GDF3: variants seen among roughly 807,000 people sequenced by gnomAD.
The protein encoded by GDF3 is growth differentiation factor 3.
A neutral mutation model predicts 10.2 loss-of-function variants in GDF3; 10 were observed. That is an observed-to-expected ratio of 0.98 (90% CI 0.60 to 1.66). The LOEUF (loss-of-function observed/expected upper bound fraction) is 1.66. Among genes scored for constraint, GDF3 ranks in the 40% most tolerant of loss-of-function variants. GDF3 has a pLI of 0.00. For missense variants in GDF3, 450 were observed against 438.3 expected, an observed-to-expected ratio of 1.03 and a Z score of -0.24; for synonymous variants, 166 against 178.5, an observed-to-expected ratio of 0.93 and a Z score of 0.56.
chr12:7,691,612 C>A (rs1403334018), intron 1 of GDF3, among the ~76,000 whole-genome samples: 1 of 151,458 alleles, frequency 6.6e-6, no homozygotes, highest in Non-Finnish European at 1.5e-5. Context: ...TAACACTATG[C>A]CGAAATTTAT....
chr12:7,692,315 A>G (rs890496075), intron 1 of GDF3, among the ~76,000 whole-genome samples: 1 of 151,884 alleles, frequency 6.6e-6, no homozygotes, highest in Non-Finnish European at 1.5e-5. Flanking sequence ...CTGTAATCCC[A>G]GCTACTCGGG....
At chr12:7,690,734 A>C in intron 1 of GDF3, 30 bp from the exon 2 acceptor site, 1 of 1,239,672 alleles carries the variant, frequency 8.1e-7, no homozygotes, top group Non-Finnish European at 1.2e-6. Context: ...TGTCAGAGTC[A>C]TAATGATGTA....
rs1864114416 is a variant in GDF3, at chr12:7,690,393, G to C, written c.580C>G (p.Pro194Ala). 6.2e-7 allele frequency: 1 copy of C among 1,613,914 alleles called. No homozygotes were observed. Among genetic ancestry groups the C allele is most frequent in the Non-Finnish European group, 8.5e-7 (1 of 1,179,978 alleles). The change falls in exon 2 of 2, where the codon CCC becomes GCC. Residue 194 changes from proline (P) to alanine (A), a missense_variant. Pro to Ala is a conservative substitution (Grantham distance 27, BLOSUM62 -1). Coordinates refer to ENST00000329913, the MANE Select transcript of GDF3 (RefSeq NM_020634.3). ...LDVAKDWNDNPRKNFGLFLEI... is the reference protein window; with the variant it reads ...LDVAKDWNDNARKNFGLFLEI... ...AGGAATAACCCGAAATTTTTCCGGG[G>C]GTTGTCATTCCAATCCTTAGCTACA...
At chr12:7,694,877 G>T (rs902640785) in intron 1 of GDF3, among the ~76,000 whole-genome samples, 6 of 152,086 alleles carry the variant, frequency 3.9e-5, no homozygotes, top group Non-Finnish European at 7.4e-5. Context: ...TTTGGTGGGT[G>T]GTCAGTTTGG....
intron 1 of GDF3, among the ~76,000 whole-genome samples, chr12:7,691,803 C>T (rs757987305): frequency 3.0e-5 from 4 of 134,998 alleles, no homozygotes; most frequent in South Asian, 4.9e-4. Flanking sequence ...ATGAGGAGAT[C>T]GAGACCATCC....
At chr12:7,691,781 G>A (rs1370207698) in intron 1 of GDF3, among the ~76,000 whole-genome samples, 1 of 140,572 alleles carries the variant, frequency 7.1e-6, no homozygotes, top group Non-Finnish European at 1.6e-5. Context: ...GCCGAGGCGG[G>A]CGGATCACGA....
In GDF3 at chr12:7,695,551, C is replaced by T; in HGVS notation, c.178G>A (p.Ala60Thr). ...CGGGAGACCCCAGTGGTCGCTGCTGCCTCGCGATCCTGGAAAATTTTCTTC... is the reference window on the plus strand; with the variant it reads ...CGGGAGACCCCAGTGGTCGCTGCTGTCTCGCGATCCTGGAAAATTTTCTTC... The part of the protein sequence containing the change: ...ILKKIFQDRE[A>T]AATTGVSRDL... The change falls in exon 1 of 2, where the codon GCA becomes ACA. Residue 60 changes from alanine to threonine, a missense_variant. Coordinates refer to ENST00000329913, the MANE Select transcript of GDF3 (RefSeq NM_020634.3). 1 of 1,614,122 alleles carries T rather than the reference C, an allele frequency of 6.2e-7. No individual in the cohort carries two copies. The highest frequency in any genetic ancestry group is 8.5e-7 in the Non-Finnish European group (1 of 1,179,980).
intron 1 of GDF3, among the ~76,000 whole-genome samples, chr12:7,692,426 G>A (rs985919722): frequency 2.8e-5 from 4 of 144,294 alleles, no homozygotes; most frequent in African/African-American, 1.0e-4. Context: ...GCAAAACTCC[G>A]TCTCAGTTAA....
chr12:7,694,016 A>C (rs1316728431), intron 1 of GDF3, among the ~76,000 whole-genome samples: 1 of 152,158 alleles, frequency 6.6e-6, no homozygotes, highest in Admixed American at 6.6e-5. Flanking sequence ...GTACTTGACC[A>C]GGCAAATTCT....
At chr12:7,690,834 G>A in intron 1 of GDF3, 130 bp from the exon 2 acceptor site, 1 of 660,448 alleles carries the variant, frequency 1.5e-6, no homozygotes, top group Non-Finnish European at 2.7e-6. Context: ...TGTCATTTGG[G>A]AGGGTTTGTT....
intron 1 of GDF3, among the ~76,000 whole-genome samples, chr12:7,693,551 T>C (rs1417041536): frequency 6.6e-6 from 1 of 151,174 alleles, no homozygotes; most frequent in Non-Finnish European, 1.5e-5. Context: ...TAAGTAGGTA[T>C]TTTCTGAGGT....
rs1176582388 is a variant in GDF3 at position 7,690,114 on chromosome 12, C to T, written c.859G>A (p.Gly287Arg). The T allele has an allele frequency of 1.2e-6, 2 of 1,613,920 alleles. No homozygotes were observed. The highest frequency in any genetic ancestry group is 2.2e-5 in the East Asian group (1 of 44,876). Residue 287 changes from glycine to arginine, a missense_variant, in exon 2 of 2, where the codon GGG (glycine) becomes AGG (arginine). Coordinates refer to ENST00000329913, the MANE Select transcript of GDF3 (RefSeq NM_020634.3). ...CCATGGCAGTAATTTGCCATGAACC[C>T]CTTGGGGGCAATGATCCACTTGTGC... Reference protein sequence around the residue: ...GWHKWIIAPKGFMANYCHGEC... With the variant: ...GWHKWIIAPKRFMANYCHGEC...
intron 1 of GDF3, among the ~76,000 whole-genome samples, chr12:7,691,789 CGAGAT>C (rs1300983084): frequency 0.26 from 39,006 of 150,832 alleles, 5,107 homozygotes; most frequent in Non-Finnish European, 0.3. Flanking sequence ...GGGCGGATCA[CGAGAT>C]GAGGAGATCG....
At position 7,690,301 on chromosome 12, in the gene GDF3, T is replaced by C; in HGVS notation, c.672A>G (p.Arg224=). The change falls in exon 2 of 2, where the codon AGA becomes AGG. Residue 224 remains arginine (R), a synonymous_variant. Transcript: ENST00000329913. ...GGGAAGCATGAAGGGAGCATCTTAG[T>C]CTGGCACAGGTGTCTTCAGGCTGAA... ...VNFQPEDTCA[R]LRCSLHASLL... 1 of 1,614,162 alleles carries C rather than the reference T, an allele frequency of 6.2e-7. No individual in the cohort carries two copies. The highest frequency in any genetic ancestry group is 1.1e-5 in the South Asian group (1 of 91,078).
chr12:7,691,033 C>T (rs944024173), intron 1 of GDF3, among the ~76,000 whole-genome samples: 7 of 151,952 alleles, frequency 4.6e-5, no homozygotes, highest in African/African-American at 1.7e-4. Context: ...GCCTGTAGTC[C>T]CAGCTACTCA....
At chr12:7,692,891 CGT>C (rs1288580099) in intron 1 of GDF3, among the ~76,000 whole-genome samples, 1 of 151,928 alleles carries the variant, frequency 6.6e-6, no homozygotes, top group East Asian at 1.9e-4. Context: ...GATCCTCCCA[CGT>C]CTCAAAGTGC....
intron 1 of GDF3, among the ~76,000 whole-genome samples, chr12:7,694,622 T>C (rs1864163927): frequency 7.0e-6 from 1 of 143,880 alleles, no homozygotes; most frequent in South Asian, 2.3e-4. Context: ...CTCAAGGCCA[T>C]ACACAGTTCC....
At chr12:7,690,730 AGTCAT>A in intron 1 of GDF3, 26 bp from the exon 2 acceptor site, 3 of 1,291,564 alleles carry the variant, frequency 2.3e-6, no homozygotes, top group Non-Finnish European at 3.4e-6. Context: ...GACATGTCAG[AGTCAT>A]AATGATGTAT....
At chr12:7,693,307 C>A (rs950979566) in intron 1 of GDF3, among the ~76,000 whole-genome samples, 1 of 150,924 alleles carries the variant, frequency 6.6e-6, no homozygotes, top group Non-Finnish European at 1.5e-5. Flanking sequence ...GGTGTTCAAT[C>A]GATTTTCCTG....
Sources: gnomAD v4.1 joint callset for allele counts (sites outside exome capture counted in the v4.1 genomes callset) on GRCh38, gnomAD v4.1.1 for gene constraint, MANE v1.5 for transcripts, NCBI Gene and HGNC (gene_info 2026-07-23, HGNC 2026-07-21) for gene names.